Variants in PRH1 observed in about 807,000 individuals in gnomAD.
PRH1 encodes the protein salivary acidic proline-rich phosphoprotein 1/2.
PRH1 carries 7 observed loss-of-function variants against 7.9 expected under a neutral mutation model. The observed-to-expected ratio is 0.89, with a 90% CI of 0.50 to 1.67. The LOEUF (loss-of-function observed/expected upper bound fraction) is 1.67, where lower values mean the gene tolerates loss of function less well. Among genes scored for constraint, PRH1 ranks in the 40% most tolerant of loss-of-function variants. PRH1 has a pLI of 0.00. For missense variants in PRH1, 109 were observed against 223.6 expected (o/e 0.49, Z 3.27); for synonymous variants, 45 against 80.8 (o/e 0.56, Z 2.38).
At chr12:11,047,193 G>A (rs1942934525), upstream of PRH1, 4 of 347,866 alleles carry the variant, frequency 1.1e-5, no homozygotes, top group South Asian at 9.0e-5. Flanking sequence ...GAGAACCTAT[G>A]TCAAGAAACA....
upstream of PRH1, chr12:11,048,185 G>GATAC (rs1942983162): frequency 8.3e-6 from 1 of 119,958 alleles, no homozygotes; most frequent in Admixed American, 8.3e-5. Flanking sequence ...TAGATAGATA[G>GATAC]ATAGATAGAT....
At chr12:11,139,142 A>C (rs1946636953) in intron 1 of PRH1, among the ~76,000 whole-genome samples, 1 of 152,234 alleles carries the variant, frequency 6.6e-6, no homozygotes, top group African/African-American at 2.4e-5. Context: ...ATCTATGAGA[A>C]TATGCTGTAT....
intron 1 of PRH1, among the ~76,000 whole-genome samples, chr12:11,059,166 C>T (rs1002898498): frequency 3.9e-5 from 6 of 152,144 alleles, no homozygotes; most frequent in African/African-American, 1.4e-4. Flanking sequence ...ATTCTCCCTC[C>T]TCTCTCTCAT....
chr12:11,049,333 A>ACT, upstream of PRH1: 1 of 318,710 alleles, frequency 3.1e-6, no homozygotes, highest in Non-Finnish European at 5.5e-6. Flanking sequence ...CCAGACCTTA[A>ACT]TGTCGATAAA....
At chr12:10,986,916 C>T in intron 1 of PRH1, 2 of 1,249,170 alleles carry the variant, frequency 1.6e-6, no homozygotes, top group Non-Finnish European at 2.2e-6. Context: ...GTTGTGATTT[C>T]TTTAATACTC....
At chr12:10,884,094 T>C (rs1290859027) in intron 1 of PRH1, 60 bp downstream of exon 1, 1 of 1,604,654 alleles carries the variant, frequency 6.2e-7, no homozygotes, top group Non-Finnish European at 8.5e-7. Flanking sequence ...TTTCCTCCTC[T>C]ATAGCATTTG....
Position 10,986,586 on chromosome 12 carries a change from T to C in PRH1, c.-125-12865A>G, listed in dbSNP as rs761823515. ...AGCAGCAAGCCACATGCTGAAATGG[T>C]TGGTTACAACCCAGGCATTATAAGA... On this transcript the variant is annotated intron_variant, in intron 1 of 3. Coordinates refer to the PRH1 transcript ENST00000539853. The C allele has an allele frequency of 6.8e-6, 11 of 1,614,016 alleles. No homozygotes were observed. The highest frequency in any genetic ancestry group is 5.3e-5 in the African/African-American group (4 of 74,870).
chr12:11,156,647 T>C lies in PRH1; in HGVS notation n.39+14775A>G, dbSNP rs2416542. On this transcript the variant is annotated intron_variant and non_coding_transcript_variant, in intron 1 of 1. Coordinates refer to the PRH1 transcript ENST00000541175. ...TAATTGATTGTTAAATATTGAATTC[T>C]TAATATTAATTTTTTCAGTCATTAT... Among the ~76,000 whole-genome samples, 736 of 152,312 alleles carry C rather than the reference T, an allele frequency of 4.8e-3. 7 individuals carry two copies. The highest frequency in any genetic ancestry group is 0.017 in the African/African-American group (703 of 41,586).
At chr12:10,934,557 T>A (rs571755953) in intron 2 of PRH1, among the ~76,000 whole-genome samples, 1 of 152,256 alleles carries the variant, frequency 6.6e-6, no homozygotes, top group Admixed American at 6.5e-5. Flanking sequence ...GACAATTTCT[T>A]CATCTATCAC....
intron 1 of PRH1, chr12:11,091,810 C>A (rs1192728110): frequency 1.3e-6 from 2 of 1,507,832 alleles, no homozygotes; most frequent in South Asian, 2.2e-5. Context: ...GATGACAAGC[C>A]AAAAATAGCA....
At chr12:10,908,638 C>G in intron 2 of PRH1, 1 of 1,613,962 alleles carries the variant, frequency 6.2e-7, no homozygotes, top group African/African-American at 1.3e-5. Flanking sequence ...GTCCTGGGGT[C>G]TCTGTGTCCT....
intron 1 of PRH1, among the ~76,000 whole-genome samples, chr12:11,126,398 G>C (rs558952862): frequency 1.3e-5 from 2 of 152,162 alleles, no homozygotes; most frequent in East Asian, 3.9e-4. Flanking sequence ...TATCTATGTA[G>C]TGCAAATTTG....
intron 1 of PRH1, among the ~76,000 whole-genome samples, chr12:11,015,590 T>C (rs1419164400): frequency 2.0e-5 from 3 of 152,148 alleles, no homozygotes; most frequent in Non-Finnish European, 4.4e-5. Context: ...CAGTAATATC[T>C]GGGTACTCAA....
intron 2 of PRH1, among the ~76,000 whole-genome samples, chr12:10,957,218 C>T (rs781532112): frequency 6.6e-6 from 1 of 151,968 alleles, no homozygotes; most frequent in Non-Finnish European, 1.5e-5. Context: ...AAAACAGGCA[C>T]GTAGACCAAG....
At chr12:10,930,264 T>A in intron 2 of PRH1, 1 of 1,612,986 alleles carries the variant, frequency 6.2e-7, no homozygotes, top group Non-Finnish European at 8.5e-7. Context: ...GTACTTCTTT[T>A]CTAGATGTCA....
chr12:11,147,906 T>C (rs549224694), intron 1 of PRH1, among the ~76,000 whole-genome samples: 1 of 151,568 alleles, frequency 6.6e-6, no homozygotes, highest in South Asian at 2.1e-4. Flanking sequence ...ATATTGATTC[T>C]TCCTACCCAT....
At position 10,882,714 on chromosome 12, in the gene PRH1, C is replaced by A; in HGVS notation, c.101-16G>T. 1 of 1,594,308 alleles carries A rather than the reference C, an allele frequency of 6.3e-7. No individual in the cohort carries two copies. The highest frequency in any genetic ancestry group is 8.5e-7 in the Non-Finnish European group (1 of 1,170,302). On this transcript the variant is annotated splice_polypyrimidine_tract_variant and intron_variant, in intron 2 of 3. Transcript: ENST00000543626. ...TCTCCTCCATCTGTGTGAGTTGAAA[C>A]AAGAAGAGCTGAGCTCATGCTGGAA...
intron 2 of PRH1, among the ~76,000 whole-genome samples, chr12:10,920,439 T>C (rs183035172): frequency 3.5e-4 from 54 of 152,308 alleles, no homozygotes; most frequent in African/African-American, 1.2e-3. Context: ...TAAAGTATTA[T>C]AGTTATGTAA....
intron 1 of PRH1, among the ~76,000 whole-genome samples, chr12:11,101,748 A>G (rs1057347040): frequency 3.3e-5 from 5 of 152,224 alleles, no homozygotes; most frequent in South Asian, 2.1e-4. Flanking sequence ...TGATGTTACC[A>G]TACCTTGGTA....
Sources: allele counts gnomAD v4.1 joint callset (sites outside exome capture counted in the v4.1 genomes callset), GRCh38; gene constraint gnomAD v4.1.1; transcripts MANE v1.5; gene names NCBI Gene and HGNC (gene_info 2026-07-23, HGNC 2026-07-21).